The following CFAP61 variants were observed in gnomAD, a reference collection of about 807,000 sequenced individuals.
The protein encoded by CFAP61 is cilia- and flagella-associated protein 61.
A neutral mutation model predicts 135.6 loss-of-function variants in CFAP61; 107 were observed. That is an observed-to-expected ratio of 0.79 (90% CI 0.67 to 0.93). The LOEUF is 0.93. Among genes scored for constraint, CFAP61 ranks in the 40% least tolerant of loss-of-function variants. The pLI, the probability that CFAP61 is intolerant of heterozygous loss-of-function variation, is 0.00. For synonymous variants in CFAP61, 575 were observed against 578.5 expected (o/e 0.99, Z 0.09); for missense variants, 1,507 against 1,556.2 (o/e 0.97, Z 0.53).
At chr20:20,253,109 C>T (rs1040380079) in intron 20 of CFAP61, among the ~76,000 whole-genome samples, 3 of 152,174 alleles carry the variant, frequency 2.0e-5, no homozygotes, top group African/African-American at 7.2e-5. Context: ...AGATTAGGAG[C>T]AGGAGGCCAT....
chr20:20,159,913 A>T (rs1288539770), intron 10 of CFAP61, among the ~76,000 whole-genome samples: 1 of 152,224 alleles, frequency 6.6e-6, no homozygotes, highest in Non-Finnish European at 1.5e-5. Context: ...GCCAAGGGGC[A>T]TAGCATCTTC....
chr20:20,063,320 T>C (rs2044961464), intron 2 of CFAP61, among the ~76,000 whole-genome samples: 1 of 152,136 alleles, frequency 6.6e-6, no homozygotes, highest in South Asian at 2.1e-4. Flanking sequence ...GAAAGAGAAA[T>C]GAAATTAATG....
intron 2 of CFAP61, among the ~76,000 whole-genome samples, chr20:20,070,090 C>T (rs1303934339): frequency 1.3e-5 from 2 of 152,188 alleles, no homozygotes; most frequent in Admixed American, 6.5e-5. Context: ...TGATGGGCCA[C>T]AAGACAGGGT....
At chr20:20,080,548 A>T (rs1388799932) in intron 6 of CFAP61, among the ~76,000 whole-genome samples, 1 of 152,232 alleles carries the variant, frequency 6.6e-6, no homozygotes, top group African/African-American at 2.4e-5. Context: ...AGATAACTAA[A>T]TGTGGAATTT....
intron 26 of CFAP61, among the ~76,000 whole-genome samples, chr20:20,350,129 C>T (rs182733163): frequency 1.9e-3 from 282 of 152,138 alleles, no homozygotes; most frequent in Middle Eastern, 3.4e-3. Context: ...CAAATCAGAA[C>T]CATAATGAGA....
At chr20:20,258,325 T>C (rs1225797201) in intron 20 of CFAP61, 1 of 152,078 alleles carries the variant, frequency 6.6e-6, no homozygotes, top group African/African-American at 2.4e-5. Context: ...AAATCCATGA[T>C]GAGAATATAG....
intron 22 of CFAP61, among the ~76,000 whole-genome samples, chr20:20,288,032 C>G (rs1360033861): frequency 1.3e-5 from 2 of 152,064 alleles, no homozygotes; most frequent in African/African-American, 4.8e-5. Context: ...GACTCTGTGT[C>G]GTATGAGAGC....
At chr20:20,311,444 C>G (rs1044728143) in intron 25 of CFAP61, among the ~76,000 whole-genome samples, 1 of 152,186 alleles carries the variant, frequency 6.6e-6, no homozygotes, top group African/African-American at 2.4e-5. Context: ...GGACTGTGAT[C>G]TTTGAGAGAT....
chr20:20,303,964 G>A (rs897026269), intron 25 of CFAP61, among the ~76,000 whole-genome samples: 2 of 152,192 alleles, frequency 1.3e-5, no homozygotes, highest in Non-Finnish European at 2.9e-5. Flanking sequence ...GCAGGCACTA[G>A]CTGTGCCAAT....
chr20:20,351,248 G>C (rs2058822692), intron 26 of CFAP61, among the ~76,000 whole-genome samples: 1 of 151,948 alleles, frequency 6.6e-6, no homozygotes, highest in African/African-American at 2.4e-5. Context: ...TGATAAGTGA[G>C]TTCAGTAAAG....
At chr20:20,192,667 G>A (rs953227523) in intron 15 of CFAP61, among the ~76,000 whole-genome samples, 9 of 151,946 alleles carry the variant, frequency 5.9e-5, no homozygotes, top group East Asian at 1.9e-4. Flanking sequence ...TTGTTAAACC[G>A]CCCTCCAATT....
intron 6 of CFAP61, among the ~76,000 whole-genome samples, chr20:20,080,980 G>A (rs181443027): frequency 0.014 from 2,111 of 151,468 alleles, 11 homozygotes; most frequent in Middle Eastern, 0.048. Context: ...CCAGCCTGGC[G>A]ACAGAGCAAG....
chr20:20,304,546 C>T (rs754217194), intron 25 of CFAP61, among the ~76,000 whole-genome samples: 24 of 151,358 alleles, frequency 1.6e-4, no homozygotes, highest in Non-Finnish European at 2.2e-4. Flanking sequence ...CACACTCACA[C>T]GGCACTCACA....
intron 17 of CFAP61, among the ~76,000 whole-genome samples, chr20:20,207,950 C>G (rs1412286774): frequency 1.3e-5 from 2 of 152,228 alleles, no homozygotes; most frequent in Non-Finnish European, 2.9e-5. Flanking sequence ...ACTGTATTTA[C>G]TTGTTACTAA....
chr20:20,226,732 A>G (rs1466688132), intron 17 of CFAP61, among the ~76,000 whole-genome samples: 4 of 152,220 alleles, frequency 2.6e-5, no homozygotes, highest in African/African-American at 9.6e-5. Flanking sequence ...ACTATCATGC[A>G]AAAGTCCTGG....
chr20:20,057,304 A>G (rs1173760513), intron 2 of CFAP61, among the ~76,000 whole-genome samples: 1 of 152,202 alleles, frequency 6.6e-6, no homozygotes, highest in African/African-American at 2.4e-5. Flanking sequence ...ATGCAAATCA[A>G]AAAGGTTTCT....
At chr20:20,103,994 T>G (rs2048202728) in intron 8 of CFAP61, among the ~76,000 whole-genome samples, 1 of 152,240 alleles carries the variant, frequency 6.6e-6, no homozygotes, top group South Asian at 2.1e-4. Flanking sequence ...AAAAGACTCC[T>G]GCAAGGTTCC....
chr20:20,196,182 C>T (rs901276910), intron 15 of CFAP61, among the ~76,000 whole-genome samples: 2 of 152,128 alleles, frequency 1.3e-5, no homozygotes, highest in Non-Finnish European at 1.5e-5. Flanking sequence ...TCTGTTTGCC[C>T]GACTCCTGAA....
At chr20:20,331,470 G>A (rs2057992820) in intron 25 of CFAP61, among the ~76,000 whole-genome samples, 1 of 145,812 alleles carries the variant, frequency 6.9e-6, no homozygotes, top group African/African-American at 2.5e-5. Context: ...AAGCCTATTT[G>A]CTGAAAGAGA....
Sources: gnomAD v4.1 joint callset for allele counts (sites outside exome capture counted in the v4.1 genomes callset) on GRCh38, gnomAD v4.1.1 for gene constraint, MANE v1.5 for transcripts, NCBI Gene and HGNC (gene_info 2026-07-23, HGNC 2026-07-21) for gene names.